The following ARID1B variants were observed in gnomAD, a reference collection of about 807,000 sequenced individuals.
ARID1B encodes AT-rich interaction domain 1B, also known as AT-rich interactive domain-containing protein 1B.
Under a neutral mutation model 212.3 loss-of-function variants are expected in ARID1B, and 30 were observed. The observed-to-expected ratio is 0.14, with a 90% CI of 0.11 to 0.19. The LOEUF (loss-of-function observed/expected upper bound fraction) is 0.19. Among genes scored for constraint, ARID1B ranks in the 10% least tolerant of loss-of-function variants. The pLI is 1.00. For missense variants in ARID1B, 2,891 were observed against 3,204.0 expected, an observed-to-expected ratio of 0.90 and a Z score of 2.36; for synonymous variants, 1,402 against 1,301.7, an observed-to-expected ratio of 1.08 and a Z score of -1.66.
chr6:157,091,412 T>C (rs1050311031), intron 5 of ARID1B, among the ~76,000 whole-genome samples: 3 of 152,202 alleles, frequency 2.0e-5, no homozygotes, highest in Non-Finnish European at 4.4e-5. Flanking sequence ...TAGATTTCTC[T>C]ACCAGCCGAT....
intron 2 of ARID1B, among the ~76,000 whole-genome samples, chr6:156,892,778 G>A (rs1481600323): frequency 6.6e-6 from 1 of 152,168 alleles, no homozygotes; most frequent in Non-Finnish European, 1.5e-5. Context: ...AGACCATATG[G>A]TGTGTTGAGA....
At chr6:157,056,923 AG>A (rs568040032) in intron 4 of ARID1B, among the ~76,000 whole-genome samples, 23 of 151,422 alleles carry the variant, frequency 1.5e-4, no homozygotes, top group Admixed American at 3.3e-4. Flanking sequence ...GTTTAAGTTC[AG>A]GGGTACATGT....
chr6:156,862,919 A>G (rs1785435038), intron 2 of ARID1B, among the ~76,000 whole-genome samples: 1 of 152,224 alleles, frequency 6.6e-6, no homozygotes, highest in African/African-American at 2.4e-5. Flanking sequence ...TCATTTAAAA[A>G]CAAAAGGCAG....
At chr6:157,084,140 C>G (rs906774724) in intron 4 of ARID1B, among the ~76,000 whole-genome samples, 28 of 149,192 alleles carry the variant, frequency 1.9e-4, no homozygotes, top group African/African-American at 6.2e-4. Context: ...ATCACCTCCC[C>G]CCCAAAAAAA....
rs187581434 is a variant in ARID1B at position 156,930,557 on chromosome 6, G to C, written c.2137-4909G>C. Among the ~76,000 whole-genome samples the C allele has an allele frequency of 2.3e-3, 357 of 152,286 alleles. 2 individuals are homozygous for C. Among genetic ancestry groups the C allele is most frequent in the African/African-American group, 8.3e-3 (343 of 41,550 alleles). On this transcript the variant is annotated intron_variant, in intron 3 of 19. Transcript: ENST00000636930. ...GACAGAAATTTCACTTGTAAAGATT[G>C]ATGCTACAGAGATTTTCATGTGAAG... is the stretch of plus-strand genomic sequence containing the variant.
rs562518854 is a variant in ARID1B, at chr6:156,939,455, C to T, written c.2247+3879C>T. 13 of 152,232 alleles carry T rather than the reference C, an allele frequency of 8.5e-5. No individual in the cohort carries two copies. In the South Asian group the frequency reaches 1.2e-3, roughly 15 times the overall value. The allele number at this position is 152,232 out of a possible 1,614,324, so 9.4% of individuals were successfully genotyped here. A position where few individuals can be genotyped will look rare whatever the true frequency, so the allele number is the denominator to read the frequency against. ...TTATAGTTATCCTGAACATTGTCTT[C>T]GCTCCCCTATTTCACTAGAAGCTTT... On this transcript the variant is annotated intron_variant, in intron 4 of 19. Transcript: ENST00000636930.
chr6:156,827,847 G>A (rs374417052), intron 1 of ARID1B, among the ~76,000 whole-genome samples: 4 of 127,220 alleles, frequency 3.1e-5, no homozygotes, highest in Non-Finnish European at 3.2e-5. Context: ...TGCAGCCTCC[G>A]CCTCCTGGGT....
In ARID1B at chr6:156,778,376, G is replaced by A; in HGVS notation, c.696G>A (p.Gln232=). 1 of 1,534,730 alleles carries A rather than the reference G, an allele frequency of 6.5e-7. No individual in the cohort carries two copies. Among genetic ancestry groups the A allele is most frequent in the East Asian group, 2.5e-5 (1 of 40,424 alleles). ...GCGGCGCGGGCGGCGGCGCGCCTCA[G>A]CCCGGCCCCGACATGGAGCAGCCGC... ...SLGGAGGGAP[Q]PGPDMEQPQH... The change falls in exon 1 of 20, where the codon CAG becomes CAA. Residue 232 remains glutamine (Q), a synonymous_variant. Transcript: ENST00000636930.
intron 4 of ARID1B, among the ~76,000 whole-genome samples, chr6:156,995,719 A>C (rs1778547424): frequency 6.6e-6 from 1 of 152,242 alleles, no homozygotes; most frequent in South Asian, 2.1e-4. Context: ...CTATTAAGCT[A>C]TCACCAGATG....
At chr6:157,202,163 C>T (rs755191241) in intron 18 of ARID1B, among the ~76,000 whole-genome samples, 3 of 152,154 alleles carry the variant, frequency 2.0e-5, no homozygotes, top group African/African-American at 7.2e-5. Flanking sequence ...GGGCCAAGAA[C>T]CATGTCAATC....
intron 5 of ARID1B, among the ~76,000 whole-genome samples, chr6:157,103,828 C>T (rs562363317): frequency 4.5e-5 from 6 of 132,954 alleles, no homozygotes; most frequent in Admixed American, 7.9e-5. Context: ...TCAATATTAA[C>T]AACTTTTTTT....
intron 5 of ARID1B, 32 bp downstream of exon 5, chr6:157,084,937 T>G: frequency 6.3e-7 from 1 of 1,574,880 alleles, no homozygotes; most frequent in South Asian, 1.2e-5. Flanking sequence ...ATTATTTTAC[T>G]TTGTGATAAA....
intron 7 of ARID1B, among the ~76,000 whole-genome samples, chr6:157,140,392 C>T (rs1257149683): frequency 6.6e-6 from 1 of 152,110 alleles, no homozygotes. Flanking sequence ...ATTACTTGAA[C>T]CCGGGAGGCG....
chr6:157,034,902 T>C (rs1438353597), intron 4 of ARID1B, among the ~76,000 whole-genome samples: 1 of 152,242 alleles, frequency 6.6e-6, no homozygotes, highest in Non-Finnish European at 1.5e-5. Context: ...GTAGAGTTGC[T>C]GTAATTAAAT....
chr6:156,813,049 C>T (rs535154300), intron 1 of ARID1B, among the ~76,000 whole-genome samples: 4 of 139,678 alleles, frequency 2.9e-5, no homozygotes, highest in African/African-American at 5.4e-5. Context: ...TATACACATA[C>T]GTATGTATAT....
intron 4 of ARID1B, among the ~76,000 whole-genome samples, chr6:157,001,908 ACAGCAGGCGG>A (rs1249902850): frequency 6.6e-6 from 1 of 152,186 alleles, no homozygotes; most frequent in African/African-American, 2.4e-5. Flanking sequence ...CACCTTACCA[ACAGCAGGCGG>A]CGAGGGCTCC....
chr6:157,079,911 A>G (rs78931885), intron 4 of ARID1B, among the ~76,000 whole-genome samples: 1 of 152,358 alleles, frequency 6.6e-6, no homozygotes, highest in African/African-American at 2.4e-5. Flanking sequence ...AAAAAGGAGA[A>G]GAGACACTAC....
intron 12 of ARID1B, among the ~76,000 whole-genome samples, chr6:157,182,808 G>T (rs1043986636): frequency 6.6e-6 from 1 of 152,220 alleles, no homozygotes; most frequent in South Asian, 2.1e-4. Context: ...CTCTGACCTG[G>T]ACTCCCTGAC....
chr6:156,810,257 A>C (rs1705773223), intron 1 of ARID1B, among the ~76,000 whole-genome samples: 1 of 152,180 alleles, frequency 6.6e-6, no homozygotes, highest in Non-Finnish European at 1.5e-5. Context: ...GTGACCTCTC[A>C]AGAATATTTT....
Sources: allele counts gnomAD v4.1 joint callset (sites outside exome capture counted in the v4.1 genomes callset), GRCh38; gene constraint gnomAD v4.1.1; transcripts MANE v1.5; gene names NCBI Gene and HGNC (gene_info 2026-07-23, HGNC 2026-07-21).